The following CYP24A1 variants were observed in gnomAD, a reference collection of about 807,000 sequenced individuals.
CYP24A1 encodes cytochrome P450 family 24 subfamily A member 1.
CYP24A1 carries 68 observed loss-of-function variants against 62.4 expected under a neutral mutation model. The ratio of observed to expected loss-of-function variants is 1.09; its 90% CI spans 0.90 to 1.33. The LOEUF is 1.33. Ranked by LOEUF, CYP24A1 falls within the 40% of genes most tolerant of loss-of-function variation. The pLI, the probability that CYP24A1 is intolerant of heterozygous loss-of-function variation, is 0.00. For missense variants in CYP24A1, 787 were observed against 653.0 expected, an observed-to-expected ratio of 1.21 and a Z score of -2.24; for synonymous variants, 267 against 253.0, an observed-to-expected ratio of 1.06 and a Z score of -0.52.
Position 54,171,627 on chromosome 20 carries a change from T to G in CYP24A1, c.493A>C (p.Lys165Gln). The change falls in exon 3 of 12, where the codon AAA becomes CAA. Residue 165 changes from lysine to glutamine, a missense_variant. Lys to Gln is a moderately conservative substitution (Grantham distance 53). Transcript: ENST00000216862. ...WQRVRSAFQKKLMKPGEVMKL... is the reference protein window; with the variant it reads ...WQRVRSAFQKQLMKPGEVMKL... ...ATCACTTCCCCTGGTTTCATTAGTT[T>G]CTTTTGAAAGGCACTCCGGACCCGC... 4 of 1,613,944 alleles carry G rather than the reference T, an allele frequency of 2.5e-6. No individual in the cohort carries two copies. The highest frequency in any genetic ancestry group is 3.4e-6 in the Non-Finnish European group (4 of 1,179,886).
Position 54,157,246 on chromosome 20 carries a change from A to G in CYP24A1, c.1478T>C (p.Val493Ala). The G allele has an allele frequency of 6.2e-7, 1 of 1,613,448 alleles. No homozygotes were observed. Among genetic ancestry groups the G allele is most frequent in the Non-Finnish European group, 8.5e-7 (1 of 1,179,416 alleles). ...YDIQATDNEP[V>A]EMLHSGTLVP... ...CAGGGTGCCTGAGTGTAGCATCTCA[A>G]CAGGCTCATTGTCTGTGGCCTGGAT... The change falls in exon 11 of 12, where the codon GTT becomes GCT. Residue 493 changes from valine (V) to alanine (A), a missense_variant. Coordinates refer to ENST00000216862, the MANE Select transcript of CYP24A1 (RefSeq NM_000782.5).
intron 11 of CYP24A1, among the ~76,000 whole-genome samples, chr20:54,155,360 G>A (rs1326296964): frequency 6.6e-6 from 1 of 152,070 alleles, no homozygotes; most frequent in African/African-American, 2.4e-5. Flanking sequence ...AATCCTAGAA[G>A]GTGCTGCTAA....
chr20:54,166,515 T>C (rs2092672589), intron 4 of CYP24A1, among the ~76,000 whole-genome samples: 2 of 152,210 alleles, frequency 1.3e-5, no homozygotes, highest in African/African-American at 4.8e-5. Context: ...TACGTGGTTG[T>C]GTGTGCTGAA....
the CYP24A1 span, among the ~76,000 whole-genome samples, chr20:54,144,266 G>A: frequency 5.3e-5 from 8 of 150,326 alleles, no homozygotes; most frequent in African/African-American, 9.8e-5. Flanking sequence ...GCTAGAGTCC[G>A]GTGACATGAT....
Position 54,162,875 on chromosome 20 carries a change from A to G in CYP24A1, c.845-13T>C. Reference sequence around the variant, plus strand: ...ATACAAGCTTTGACTATTAGAGCAGAGAAGAAAGAGAGGAAGTCAGCTGAA... The same window carrying G: ...ATACAAGCTTTGACTATTAGAGCAGGGAAGAAAGAGAGGAAGTCAGCTGAA... On this transcript the variant is annotated splice_polypyrimidine_tract_variant and intron_variant, in intron 6 of 11. Transcript: ENST00000216862. 1 of 1,534,790 alleles carries G rather than the reference A, an allele frequency of 6.5e-7. No homozygotes were observed. Among genetic ancestry groups the G allele is most frequent in the Admixed American group, 1.7e-5 (1 of 59,908 alleles).
intron 7 of CYP24A1, among the ~76,000 whole-genome samples, chr20:54,161,190 C>T (rs2092648937): frequency 6.6e-6 from 1 of 152,226 alleles, no homozygotes; most frequent in African/African-American, 2.4e-5. Flanking sequence ...TAGCTCCATC[C>T]CTCTTTCTGC....
the CYP24A1 span, among the ~76,000 whole-genome samples, chr20:54,147,806 A>T: frequency 4.6e-5 from 7 of 152,168 alleles, no homozygotes; most frequent in African/African-American, 1.7e-4. Context: ...GCTGGGATTT[A>T]AACCCAATCT....
chr20:54,154,571 G>A lies in CYP24A1; in HGVS notation c.*201C>T, dbSNP rs185779902. 2 of 153,008 alleles carry A rather than the reference G, an allele frequency of 1.3e-5. No homozygotes were observed. The highest frequency in any genetic ancestry group is 3.8e-4 in the East Asian group (2 of 5,270). The allele number at this position is 153,008 out of a possible 1,614,324, so 9.5% of individuals were successfully genotyped here. ...AACGGTTTGTAACCTCTACCTGACT[G>A]ACAAGTGCCAGCCTCCCTTTCATGT... On this transcript the variant is annotated 3_prime_UTR_variant, in exon 12 of 12. Transcript: ENST00000216862.
intron 7 of CYP24A1, among the ~76,000 whole-genome samples, chr20:54,160,077 G>C (rs1239929927): frequency 6.6e-6 from 1 of 152,130 alleles, no homozygotes; most frequent in East Asian, 1.9e-4. Context: ...AGTTCCTTTG[G>C]CCACACCCTA....
rs4809957 is a variant in CYP24A1, at chr20:54,154,632, A to G, written c.*140T>C. On this transcript the variant is annotated 3_prime_UTR_variant, in exon 12 of 12. Transcript: ENST00000216862. ...GCAAGACAGAACAGGCTCCCAGGCC[A>G]TTCTAAGCACCTGAAGATGGTGCTG... The G allele has an allele frequency of 0.29, 45,034 of 155,000 alleles. 7,480 individuals are homozygous for G. Among genetic ancestry groups the G allele is most frequent in the East Asian group, 0.61 (3,363 of 5,536 alleles). The allele number at this position is 155,000 out of a possible 1,614,324, so 9.6% of individuals were successfully genotyped here.
rs767209123 is a variant in CYP24A1 at position 54,162,730 on chromosome 20, G to A, written c.977C>T (p.Ala326Val). The A allele has an allele frequency of 4.4e-6, 7 of 1,600,770 alleles. No individual in the cohort carries two copies. The highest frequency in any genetic ancestry group is 6.0e-6 in the Non-Finnish European group (7 of 1,168,166). The stretch of plus-strand genomic sequence containing the variant: ...GCCCACCCTTACCGTTTCCACCGCA[G>A]CCAGCTGGAGCTCTGTGACAGCAGC... ...LYAAVTELQL[A>V]AVETTANSLM... Residue 326 changes from alanine (A) to valine (V), a missense_variant, in exon 7 of 12, where the codon GCT (alanine) becomes GTT (valine). Coordinates refer to ENST00000216862, the MANE Select transcript of CYP24A1 (RefSeq NM_000782.5).
intron 6 of CYP24A1, among the ~76,000 whole-genome samples, chr20:54,163,964 C>T (rs886305886): frequency 6.6e-6 from 1 of 152,172 alleles, no homozygotes; most frequent in Non-Finnish European, 1.5e-5. Flanking sequence ...GAGATGGAGT[C>T]TCACTCTGCC....
chr20:54,166,971 C>T (rs372940872), intron 4 of CYP24A1, among the ~76,000 whole-genome samples: 2 of 151,834 alleles, frequency 1.3e-5, no homozygotes, highest in Non-Finnish European at 2.9e-5. Flanking sequence ...CCCAGGAGGC[C>T]GAGGTTGCAG....
chr20:54,173,118 A>AGCGCGGTGTCAGCGCGCATCCT lies in CYP24A1; in HGVS notation c.259-41_259-20dup. The AGCGCGGTGTCAGCGCGCATCCT allele has an allele frequency of 3.7e-6, 6 of 1,600,992 alleles. No homozygotes were observed. Among genetic ancestry groups the AGCGCGGTGTCAGCGCGCATCCT allele is most frequent in the Non-Finnish European group, 5.1e-6 (6 of 1,179,536 alleles). On this transcript the variant is annotated intron_variant, in intron 1 of 11. Coordinates refer to ENST00000216862, the MANE Select transcript of CYP24A1 (RefSeq NM_000782.5). This position sits in a 1 kb window ranked among gnomAD's most constrained non-coding sequence, Gnocchi z 7.2. ...ACTCCACCTGCAGCCGGCCGGGCAC[A>AGCGCGGTGTCAGCGCGCATCCT]GCGCGGTGTCAGCGCGCATCCTCCG...
Position 54,159,131 on chromosome 20 carries a change from C to A in CYP24A1, c.991-8G>T. On this transcript the variant is annotated splice_region_variant and splice_polypyrimidine_tract_variant and intron_variant, in intron 7 of 11. Transcript: ENST00000216862. Reference sequence around the variant, plus strand: ...CATTAGACTGTTTGCTGTCTGCAAGCCAAATGGACATAAACTTGAGTTTTT... The same window carrying A: ...CATTAGACTGTTTGCTGTCTGCAAGACAAATGGACATAAACTTGAGTTTTT... The A allele has an allele frequency of 6.2e-7, 1 of 1,609,126 alleles. No homozygotes were observed. Among genetic ancestry groups the A allele is most frequent in the Non-Finnish European group, 8.5e-7 (1 of 1,175,540 alleles).
intron 3 of CYP24A1, among the ~76,000 whole-genome samples, chr20:54,171,295 G>A (rs1324601937): frequency 6.6e-6 from 1 of 152,216 alleles, no homozygotes; most frequent in Non-Finnish European, 1.5e-5. Context: ...TAGCCAGGGA[G>A]TGGAAAGCTG....
At chr20:54,165,914 C>G (rs748495204) in intron 4 of CYP24A1, 81 bp from the exon 5 acceptor site, 4 of 855,338 alleles carry the variant, frequency 4.7e-6, no homozygotes, top group Non-Finnish European at 8.1e-6. Context: ...ATTAAAGACT[C>G]AATTCTATGC....
intron 11 of CYP24A1, among the ~76,000 whole-genome samples, chr20:54,155,181 A>G (rs75206067): frequency 0.016 from 2,485 of 152,150 alleles, 91 homozygotes; most frequent in African/African-American, 0.056. Context: ...GGATGCTCAG[A>G]ATTTGACAAA....
intron 2 of CYP24A1, among the ~76,000 whole-genome samples, chr20:54,172,128 G>T (rs1387684022): frequency 2.0e-5 from 3 of 152,076 alleles, no homozygotes; most frequent in African/African-American, 7.2e-5. Flanking sequence ...TTTTGCCATC[G>T]CCTCCAAATA....
Sources: gnomAD v4.1 joint callset for allele counts (sites outside exome capture counted in the v4.1 genomes callset) on GRCh38, gnomAD v4.1.1 for gene constraint, Gnocchi (gnomAD v3.1) non-coding constraint, MANE v1.5 for transcripts, NCBI Gene and HGNC (gene_info 2026-07-23, HGNC 2026-07-21) for gene names.